The following STXBP5L variants were observed in gnomAD, a reference collection of about 807,000 sequenced individuals.
STXBP5L encodes the protein syntaxin binding protein 5L.
A neutral mutation model predicts 144.5 loss-of-function variants in STXBP5L; 65 were observed. The observed-to-expected ratio is 0.45, with a 90% CI of 0.37 to 0.55. The LOEUF is 0.55. Ranked by LOEUF, STXBP5L falls within the 20% of genes least tolerant of loss-of-function variation. The pLI, the probability that STXBP5L is intolerant of heterozygous loss-of-function variation, is 0.00. For missense variants in STXBP5L, 1,298 were observed against 1,405.5 expected (o/e 0.92, Z 1.22); for synonymous variants, 505 against 469.6 (o/e 1.08, Z -0.97).
intron 2 of STXBP5L, among the ~76,000 whole-genome samples, chr3:120,931,945 G>C (rs544887307): frequency 2.6e-5 from 4 of 152,166 alleles, no homozygotes; most frequent in Non-Finnish European, 4.4e-5. Flanking sequence ...TAGACAATTT[G>C]GTCATTGTGT....
intron 14 of STXBP5L, among the ~76,000 whole-genome samples, chr3:121,244,622 A>G (rs1489858256): frequency 6.6e-6 from 1 of 152,160 alleles, no homozygotes; most frequent in Non-Finnish European, 1.5e-5. Flanking sequence ...GCTCATAAAG[A>G]GACACATTAT....
intron 11 of STXBP5L, among the ~76,000 whole-genome samples, chr3:121,229,308 C>A (rs2049224716): frequency 6.6e-6 from 1 of 152,148 alleles, no homozygotes; most frequent in African/African-American, 2.4e-5. Flanking sequence ...CCTAAATCCA[C>A]ATTTTGACAC....
intron 20 of STXBP5L, among the ~76,000 whole-genome samples, chr3:121,347,443 C>CT (rs1310458504): frequency 3.3e-5 from 5 of 152,234 alleles, no homozygotes; most frequent in South Asian, 4.1e-4. Flanking sequence ...CTTGTGGCCT[C>CT]TTTTTTCATT....
At chr3:121,283,895 T>TTGTGTG (rs59432986) in intron 19 of STXBP5L, among the ~76,000 whole-genome samples, 118 of 116,192 alleles carry the variant, frequency 1.0e-3, no homozygotes, top group African/African-American at 3.5e-3. Context: ...GTGTGTGTGC[T>TTGTGTG]TGTGTGTGTG....
At chr3:121,112,206 A>T (rs1284463716) in intron 5 of STXBP5L, among the ~76,000 whole-genome samples, 2 of 151,996 alleles carry the variant, frequency 1.3e-5, no homozygotes, top group Non-Finnish European at 2.9e-5. Flanking sequence ...GGAACTTGGT[A>T]ATCTTAGTCT....
intron 14 of STXBP5L, among the ~76,000 whole-genome samples, chr3:121,240,925 C>T (rs2049644776): frequency 1.3e-5 from 2 of 152,074 alleles, no homozygotes; most frequent in Admixed American, 6.6e-5. Context: ...GTATGACAAC[C>T]CACTTGATGT....
At chr3:121,354,052 T>A (rs1453641389) in intron 20 of STXBP5L, among the ~76,000 whole-genome samples, 2 of 152,210 alleles carry the variant, frequency 1.3e-5, no homozygotes, top group African/African-American at 2.4e-5. Context: ...AGAGACAGTT[T>A]GTTGTGATTT....
At chr3:121,276,243 A>G (rs969463416) in intron 18 of STXBP5L, among the ~76,000 whole-genome samples, 4 of 152,012 alleles carry the variant, frequency 2.6e-5, no homozygotes, top group Admixed American at 2.6e-4. Context: ...AAATAAATGG[A>G]ATGATACCAC....
chr3:121,255,736 T>A (rs1172557921), intron 16 of STXBP5L, among the ~76,000 whole-genome samples: 1 of 152,052 alleles, frequency 6.6e-6, no homozygotes, highest in African/African-American at 2.4e-5. Flanking sequence ...ATGGGGTAGA[T>A]CTAATTATGG....
intron 20 of STXBP5L, among the ~76,000 whole-genome samples, chr3:121,360,018 A>ATATATATTATTACTATATAATATAATG (rs2045660255): frequency 6.9e-6 from 1 of 145,766 alleles, no homozygotes; most frequent in South Asian, 2.1e-4. Flanking sequence ...ATAATATAAT[A>ATATATATTATTACTATATAATATAATG]TATATATTAT....
rs778206249 is a variant in STXBP5L, at chr3:121,407,507, C to T, written c.2852C>T (p.Thr951Met). 1.2e-5 allele frequency: 20 copies of T among 1,613,232 alleles called. No homozygotes were observed. The South Asian group carries it at 1.4e-4, about 12-fold the overall frequency. ...ACTTGCCTTTATGTTCATAACATCACGGAGACATCTTTTATACTGCAAGCA... is the reference window on the plus strand; with the variant it reads ...ACTTGCCTTTATGTTCATAACATCATGGAGACATCTTTTATACTGCAAGCA... ...SQTCLYVHNI[T>M]ETSFILQANV... The change falls in exon 23 of 27, where the codon ACG (threonine) becomes ATG (methionine). Residue 951 changes from threonine to methionine, a missense_variant. Thr to Met is a moderately conservative substitution (Grantham distance 81). Transcript: ENST00000471454.
Position 121,197,823 on chromosome 3 carries a change from ACTC to A in STXBP5L, c.878-8099_878-8097del. 1.3e-5 allele frequency among the ~76,000 whole-genome samples: 2 copies of A among 152,178 alleles called. 1 individual carries two copies. Among genetic ancestry groups the A allele is most frequent in the South Asian group, 4.1e-4 (2 of 4,822 alleles). The stretch of plus-strand genomic sequence containing the variant: ...ATCTATGTCCCGGCAAAGGACATGA[ACTC>A]ATTCTATTTTACGGTTGCATAGTAT... On this transcript the variant is annotated intron_variant, in intron 9 of 26. Coordinates refer to ENST00000471454, the MANE Select transcript of STXBP5L (RefSeq NM_001308330.2).
At chr3:121,291,385 A>G (rs545302179) in intron 19 of STXBP5L, among the ~76,000 whole-genome samples, 1 of 152,162 alleles carries the variant, frequency 6.6e-6, no homozygotes, top group East Asian at 1.9e-4. Context: ...ACTACAAAAC[A>G]CTGCTGAAAT....
At chr3:121,364,858 A>G (rs996968444) in intron 20 of STXBP5L, among the ~76,000 whole-genome samples, 3 of 151,824 alleles carry the variant, frequency 2.0e-5, no homozygotes, top group African/African-American at 7.2e-5. Flanking sequence ...TTGTTTTTAT[A>G]TATGGCTTTT....
intron 9 of STXBP5L, among the ~76,000 whole-genome samples, chr3:121,161,314 G>A (rs1048319116): frequency 2.7e-5 from 4 of 150,802 alleles, no homozygotes; most frequent in African/African-American, 9.7e-5. Context: ...ACTTTGTGTG[G>A]GCATGTGTGT....
At chr3:121,083,533 G>A (rs112268479) in intron 5 of STXBP5L, among the ~76,000 whole-genome samples, 18,214 of 151,918 alleles carry the variant, frequency 0.12, 1,142 homozygotes, top group Non-Finnish European at 0.14. Flanking sequence ...CGTGATGGCA[G>A]GCGTCTGTTA....
intron 2 of STXBP5L, among the ~76,000 whole-genome samples, chr3:120,932,005 A>C (rs1458023511): frequency 6.6e-6 from 1 of 152,156 alleles, no homozygotes; most frequent in East Asian, 1.9e-4. Flanking sequence ...AGCCTACCAC[A>C]CACTTAGCTA....
At chr3:121,028,624 A>C (rs1484448248) in intron 3 of STXBP5L, among the ~76,000 whole-genome samples, 1 of 152,128 alleles carries the variant, frequency 6.6e-6, no homozygotes, top group Non-Finnish European at 1.5e-5. Flanking sequence ...TTTCAAAAAT[A>C]AGATTATCAT....
At chr3:121,167,744 G>C (rs535350016) in intron 9 of STXBP5L, among the ~76,000 whole-genome samples, 1 of 152,332 alleles carries the variant, frequency 6.6e-6, no homozygotes, top group East Asian at 1.9e-4. Context: ...AGGGGTGGCT[G>C]TGGGTGCAGC....
Sources: gnomAD v4.1 joint callset for allele counts (sites outside exome capture counted in the v4.1 genomes callset) on GRCh38, gnomAD v4.1.1 for gene constraint, MANE v1.5 for transcripts, NCBI Gene and HGNC (gene_info 2026-07-23, HGNC 2026-07-21) for gene names.